MCC: variants seen among roughly 807,000 people sequenced by gnomAD.
The protein encoded by MCC is MCC regulator of Wnt signaling pathway, also known as colorectal mutant cancer protein.
In MCC, 90 loss-of-function variants were observed where a neutral mutation model predicts 116.2. The ratio of observed to expected loss-of-function variants is 0.77; its 90% CI spans 0.65 to 0.92. MCC has a LOEUF of 0.92. Among genes scored for constraint, MCC ranks in the 40% least tolerant of loss-of-function variants. The pLI, the probability that MCC is intolerant of heterozygous loss-of-function variation, is 0.00. For missense variants in MCC, 1,516 were observed against 1,312.2 expected, an observed-to-expected ratio of 1.16 and a Z score of -2.40; for synonymous variants, 578 against 510.5, an observed-to-expected ratio of 1.13 and a Z score of -1.78.
intron 2 of MCC, among the ~76,000 whole-genome samples, chr5:113,375,894 G>A (rs879410575): frequency 1.3e-5 from 2 of 152,162 alleles, no homozygotes; most frequent in South Asian, 2.1e-4. Flanking sequence ...ACCTCTTGAT[G>A]GGAAAAGCTG....
chr5:113,160,712 G>T (rs187766805), intron 3 of MCC, among the ~76,000 whole-genome samples: 4 of 152,216 alleles, frequency 2.6e-5, no homozygotes, highest in African/African-American at 9.6e-5. Flanking sequence ...GAAGAAAGCA[G>T]AATTAGCACA....
intron 8 of MCC, among the ~76,000 whole-genome samples, chr5:113,094,609 A>C (rs1755891256): frequency 6.6e-6 from 1 of 151,776 alleles, no homozygotes; most frequent in Non-Finnish European, 1.5e-5. Flanking sequence ...TTTAGTAGAG[A>C]CGGGGTTTCA....
chr5:113,466,117 G>C (rs569018691), intron 1 of MCC, among the ~76,000 whole-genome samples: 1 of 152,128 alleles, frequency 6.6e-6, no homozygotes, highest in African/African-American at 2.4e-5. Flanking sequence ...AATCTGGCTG[G>C]AAGCAAAGAA....
chr5:113,289,750 CA>C (rs1561509104), intron 3 of MCC, among the ~76,000 whole-genome samples: 1 of 152,200 alleles, frequency 6.6e-6, no homozygotes, highest in African/African-American at 2.4e-5. Context: ...TAGTCACTGA[CA>C]CAAGTCTTCC....
chr5:113,359,928 T>C (rs545246471), intron 2 of MCC, among the ~76,000 whole-genome samples: 1 of 152,316 alleles, frequency 6.6e-6, no homozygotes, highest in South Asian at 2.1e-4. Flanking sequence ...AGGCAGAGAT[T>C]GCATTTTGGA....
chr5:113,434,747 A>C lies in MCC; in HGVS notation c.171-49535T>G. ...TCGCCACATTGAACTTCAGGCGCTC[A>C]GAGTAAGCAGATTTTACTTTTGCAT... On this transcript the variant is annotated intron_variant, in intron 1 of 18. Coordinates refer to ENST00000408903, the MANE Select transcript of MCC (RefSeq NM_001085377.2). The surrounding 1 kb of genome is among the most constrained non-coding windows in gnomAD (Gnocchi z 4.2). The C allele has an allele frequency of 6.2e-7, 1 of 1,614,100 alleles. No homozygotes were observed. The highest frequency in any genetic ancestry group is 8.5e-7 in the Non-Finnish European group (1 of 1,179,948).
At chr5:113,089,668 C>T (rs966601080) in intron 8 of MCC, among the ~76,000 whole-genome samples, 3 of 152,130 alleles carry the variant, frequency 2.0e-5, no homozygotes, top group African/African-American at 7.2e-5. Context: ...TTGCAATGTG[C>T]CTGGTGTACT....
chr5:113,159,289 T>C (rs80091692), intron 3 of MCC, among the ~76,000 whole-genome samples: 4,448 of 152,280 alleles, frequency 0.029, 124 homozygotes, highest in East Asian at 0.078. Flanking sequence ...ACTTTATTTG[T>C]CCACTGGTCC....
intron 1 of MCC, among the ~76,000 whole-genome samples, chr5:113,391,820 C>G (rs533206951): frequency 6.6e-6 from 1 of 151,966 alleles, no homozygotes; most frequent in Admixed American, 6.5e-5. Context: ...ACAAATGGTA[C>G]CAAGACTTTG....
intron 5 of MCC, among the ~76,000 whole-genome samples, chr5:113,125,841 G>C (rs529694387): frequency 6.6e-6 from 1 of 152,294 alleles, no homozygotes; most frequent in South Asian, 2.1e-4. Flanking sequence ...TGTATATACA[G>C]GCATTCTTCT....
In MCC at chr5:113,025,884, A is replaced by G. The variant is rs1204220454; in HGVS notation, c.*1418T>C. 6.6e-6 allele frequency: 1 copy of G among 152,216 alleles called. No homozygotes were observed. The highest frequency in any genetic ancestry group is 6.5e-5 in the Admixed American group (1 of 15,282). The allele number at this position is 152,216 out of a possible 1,614,324, so 9.4% of individuals were successfully genotyped here. ...ATAGACCTACCCGTAGCTTATGGAC[A>G]TAAAGACTCTATGCAGAAACCTCCT... On this transcript the variant is annotated 3_prime_UTR_variant, in exon 19 of 19. Transcript: ENST00000408903.
chr5:113,162,347 G>A (rs767081235), intron 3 of MCC, among the ~76,000 whole-genome samples: 6 of 152,168 alleles, frequency 3.9e-5, no homozygotes, highest in Non-Finnish European at 8.8e-5. Context: ...TGGGTAACTC[G>A]TTTAACTTTT....
intron 6 of MCC, among the ~76,000 whole-genome samples, chr5:113,112,345 C>T (rs1050610776): frequency 1.3e-5 from 2 of 152,162 alleles, no homozygotes; most frequent in African/African-American, 4.8e-5. Flanking sequence ...TGGGGGCAGA[C>T]TTCTCCCATG....
rs1248812769 is a variant in MCC, at chr5:113,151,329, T to C, written c.721A>G (p.Lys241Glu). Residue 241 changes from lysine to glutamate, a missense_variant, in exon 4 of 19, where the codon AAG (lysine) becomes GAG (glutamate). Lys to Glu is a moderately conservative substitution (Grantham distance 56). Coordinates refer to ENST00000408903, the MANE Select transcript of MCC (RefSeq NM_001085377.2). ...CTTACCTGTGCCTTGGCCAATTTCT[T>C]TTCCAGAAGGTCCCGTTCCCTCTCT... is the stretch of plus-strand genomic sequence containing the variant. ...QTERERDLLE[K>E]KLAKAQCEQS... is the part of the protein sequence containing the mutation. The C allele has an allele frequency of 2.5e-6, 4 of 1,613,258 alleles. No homozygotes were observed. Among genetic ancestry groups the C allele is most frequent in the African/African-American group, 2.7e-5 (2 of 74,896 alleles).
intron 3 of MCC, among the ~76,000 whole-genome samples, chr5:113,230,655 A>C (rs552589501): frequency 2.4e-4 from 36 of 152,304 alleles, no homozygotes; most frequent in African/African-American, 8.7e-4. Flanking sequence ...ATTTGGAAAA[A>C]GGTTTACTCT....
At chr5:113,214,386 T>A (rs188097718) in intron 3 of MCC, among the ~76,000 whole-genome samples, 186 of 152,306 alleles carry the variant, frequency 1.2e-3, no homozygotes, top group African/African-American at 4.3e-3. Flanking sequence ...ATGAACTGAG[T>A]TGCCTTGCGT....
intron 3 of MCC, among the ~76,000 whole-genome samples, chr5:113,292,722 C>T (rs1260636178): frequency 2.0e-5 from 3 of 152,094 alleles, no homozygotes; most frequent in African/African-American, 4.8e-5. Context: ...CCTAAGTCTG[C>T]GATTCATTTA....
chr5:113,054,073 G>C, intron 14 of MCC, 114 bp from the exon 15 acceptor site: 1 of 733,780 alleles, frequency 1.4e-6, no homozygotes, highest in African/African-American at 1.8e-5. Flanking sequence ...TATTTAGATG[G>C]TAATCCAAAA....
intron 3 of MCC, among the ~76,000 whole-genome samples, chr5:113,151,771 A>G (rs572449459): frequency 2.0e-5 from 3 of 152,336 alleles, no homozygotes; most frequent in South Asian, 2.1e-4. Flanking sequence ...TCTAATCATG[A>G]GAGTCAAGAA....
Sources: gnomAD v4.1 joint callset for allele counts (sites outside exome capture counted in the v4.1 genomes callset) on GRCh38, gnomAD v4.1.1 for gene constraint, Gnocchi (gnomAD v3.1) non-coding constraint, MANE v1.5 for transcripts, NCBI Gene and HGNC (gene_info 2026-07-23, HGNC 2026-07-21) for gene names.